LRRC37A2: variants seen among roughly 807,000 people sequenced by gnomAD.
The protein encoded by LRRC37A2 is leucine rich repeat containing 37 member A2.
A neutral mutation model predicts 68.8 loss-of-function variants in LRRC37A2; 9 were observed. That is an observed-to-expected ratio of 0.13 (90% CI 0.08 to 0.23). The LOEUF (loss-of-function observed/expected upper bound fraction) is 0.23, where lower values mean the gene tolerates loss of function less well. Ranked by LOEUF, LRRC37A2 falls within the 10% of genes least tolerant of loss-of-function variation. The pLI, the probability that LRRC37A2 is intolerant of heterozygous loss-of-function variation, is 1.00. For synonymous variants in LRRC37A2, 63 were observed against 367.6 expected, an observed-to-expected ratio of 0.17 and a Z score of 9.48; for missense variants, 168 against 950.4, an observed-to-expected ratio of 0.18 and a Z score of 10.82.
At chr17:46,493,537 ATTT>A in the LRRC37A2 span, among the ~76,000 whole-genome samples, 17 of 39,522 alleles carry the variant, frequency 4.3e-4, no homozygotes, top group Non-Finnish European at 7.4e-4. Flanking sequence ...ATTTTATTTT[ATTT>A]ATTTATTTAT....
chr17:46,403,574 A>G, the LRRC37A2 span, among the ~76,000 whole-genome samples: 3 of 84,820 alleles, frequency 3.5e-5, 1 homozygote, highest in African/African-American at 1.1e-4. Flanking sequence ...AAGATTCTAT[A>G]TTCATACAGT....
the LRRC37A2 span, chr17:46,726,411 A>C: frequency 1.3e-6 from 1 of 785,262 alleles, no homozygotes; most frequent in East Asian, 2.5e-5. Flanking sequence ...CAGTGTGTCA[A>C]TTCTAATTTA....
the LRRC37A2 span, among the ~76,000 whole-genome samples, chr17:46,765,142 G>A: frequency 6.6e-6 from 1 of 152,238 alleles, no homozygotes; most frequent in East Asian, 1.9e-4. Flanking sequence ...TCTCACAAAG[G>A]GTTTGAGGCA....
the LRRC37A2 span, chr17:46,875,402 A>T: frequency 5.2e-6 from 8 of 1,551,242 alleles, no homozygotes; most frequent in Admixed American, 1.9e-5. Flanking sequence ...GTGCCTTCCC[A>T]CCAGGGTACA....
At chr17:46,635,721 G>A in the LRRC37A2 span, among the ~76,000 whole-genome samples, 1 of 113,126 alleles carries the variant, frequency 8.8e-6, no homozygotes, top group Admixed American at 9.0e-5. Context: ...GTATCCTTAA[G>A]GGGCCATTGG....
the LRRC37A2 span, among the ~76,000 whole-genome samples, chr17:46,779,959 A>T: frequency 6.6e-6 from 1 of 152,142 alleles, no homozygotes; most frequent in Non-Finnish European, 1.5e-5. Context: ...GGGTTTCGCA[A>T]TATTGGCCAG....
chr17:46,994,864 G>A, the LRRC37A2 span, among the ~76,000 whole-genome samples: 1 of 152,116 alleles, frequency 6.6e-6, no homozygotes, highest in Non-Finnish European at 1.5e-5. Flanking sequence ...GCTCATTCCT[G>A]TAATCCCAGC....
chr17:46,915,888 T>C, the LRRC37A2 span, among the ~76,000 whole-genome samples: 2 of 152,234 alleles, frequency 1.3e-5, no homozygotes. Flanking sequence ...ACTGATTGGC[T>C]AATTTGGGGT....
chr17:46,621,448 G>C, the LRRC37A2 span, among the ~76,000 whole-genome samples: 1 of 110,522 alleles, frequency 9.0e-6, no homozygotes, highest in East Asian at 2.7e-4. Context: ...CACAACGCCT[G>C]GCTAATTTTT....
chr17:46,946,868 T>TA, the LRRC37A2 span, among the ~76,000 whole-genome samples: 10 of 152,006 alleles, frequency 6.6e-5, no homozygotes, highest in South Asian at 2.1e-4. Context: ...GTTTCAATTT[T>TA]AAAAAAACAA....
chr17:46,955,163 A>G, the LRRC37A2 span, among the ~76,000 whole-genome samples: 1 of 151,448 alleles, frequency 6.6e-6, no homozygotes. Context: ...TGTCATAGAT[A>G]GCTCTTATTA....
chr17:46,487,067 A>C, the LRRC37A2 span: 1 of 767,814 alleles, frequency 1.3e-6, no homozygotes, highest in Non-Finnish European at 1.9e-6. Flanking sequence ...GTGGAAGTGG[A>C]CATGGAGAAA....
At chr17:46,961,544 A>G in the LRRC37A2 span, among the ~76,000 whole-genome samples, 1 of 152,222 alleles carries the variant, frequency 6.6e-6, no homozygotes, top group South Asian at 2.1e-4. Flanking sequence ...CTGTTAAAAA[A>G]AGAAGCAAAT....
intron 6 of LRRC37A2, among the ~76,000 whole-genome samples, chr17:46,532,188 C>T (rs2053755359): frequency 6.7e-6 from 1 of 148,956 alleles, no homozygotes; most frequent in Admixed American, 6.6e-5. Flanking sequence ...CATGAGCTAC[C>T]ATGCCCAGCC....
downstream of LRRC37A2, chr17:46,558,740 C>A (rs377158326): frequency 8.8e-5 from 12 of 136,162 alleles, 1 homozygote; most frequent in African/African-American, 3.5e-4. Context: ...GCCTTGAACA[C>A]CCTTGGATGC....
chr17:46,753,637 CTA>C, the LRRC37A2 span, among the ~76,000 whole-genome samples: 3 of 151,588 alleles, frequency 2.0e-5, no homozygotes, highest in African/African-American at 7.3e-5. Context: ...ATAGAAGAAA[CTA>C]TGTGGATTTT....
At chr17:46,932,191 A>T in the LRRC37A2 span, 2 of 1,614,020 alleles carry the variant, frequency 1.2e-6, no homozygotes, top group Non-Finnish European at 1.7e-6. Flanking sequence ...TCGAACCTTC[A>T]CCACTAACGT....
At chr17:46,721,748 A>G in the LRRC37A2 span, 16 of 1,604,938 alleles carry the variant, frequency 1.0e-5, no homozygotes, top group Admixed American at 3.3e-5. Flanking sequence ...TCTCTTGCCC[A>G]CAATTTCGCT....
At chr17:46,755,853 A>C in the LRRC37A2 span, 1 of 1,608,956 alleles carries the variant, frequency 6.2e-7, no homozygotes. Flanking sequence ...CACAGTGACC[A>C]AGGGAAGTGA....
Sources: gnomAD v4.1 joint callset for allele counts (sites outside exome capture counted in the v4.1 genomes callset) on GRCh38, gnomAD v4.1.1 for gene constraint, MANE v1.5 for transcripts, NCBI Gene and HGNC (gene_info 2026-07-23, HGNC 2026-07-21) for gene names.